LRP1B: variants seen among roughly 807,000 people sequenced by gnomAD.
LRP1B encodes LDL receptor related protein 1B.
LRP1B carries 217 observed loss-of-function variants against 556.6 expected under a neutral mutation model. That is an observed-to-expected ratio of 0.39 (90% confidence interval 0.35 to 0.44). The LOEUF is 0.44. Ranked by LOEUF, LRP1B falls within the 20% of genes least tolerant of loss-of-function variation. The probability of loss-of-function intolerance (pLI) is 1.00; values close to 1 mark genes in which losing one functional copy is unlikely to be tolerated. For synonymous variants in LRP1B, 2,047 were observed against 1,865.8 expected, an observed-to-expected ratio of 1.10 and a Z score of -2.50; for missense variants, 5,053 against 5,620.8, an observed-to-expected ratio of 0.90 and a Z score of 3.23.
chr2:142,010,843 T>C (rs1702940746), intron 1 of LRP1B, among the ~76,000 whole-genome samples: 1 of 152,158 alleles, frequency 6.6e-6, no homozygotes, highest in Non-Finnish European at 1.5e-5. Flanking sequence ...GGCGACATCA[T>C]TTTGGTTGCT....
intron 7 of LRP1B, among the ~76,000 whole-genome samples, chr2:141,149,161 G>T (rs1701858876): frequency 6.6e-6 from 1 of 151,960 alleles, no homozygotes; most frequent in South Asian, 2.1e-4. Context: ...AGCATTTTTT[G>T]TTGCTAGGTC....
At chr2:140,500,534 C>G (rs900615958) in intron 55 of LRP1B, among the ~76,000 whole-genome samples, 3 of 151,904 alleles carry the variant, frequency 2.0e-5, no homozygotes, top group Admixed American at 6.6e-5. Context: ...GTGGTTCATT[C>G]CAATATGAAG....
intron 35 of LRP1B, among the ~76,000 whole-genome samples, chr2:140,733,962 G>T (rs1687863639): frequency 6.6e-6 from 1 of 152,174 alleles, no homozygotes; most frequent in Non-Finnish European, 1.5e-5. Flanking sequence ...ATATAGATGT[G>T]CCTTTTGGGT....
intron 6 of LRP1B, among the ~76,000 whole-genome samples, chr2:141,207,469 C>G (rs1459945219): frequency 6.6e-6 from 1 of 152,140 alleles, no homozygotes; most frequent in African/African-American, 2.4e-5. Context: ...CTGAAATATT[C>G]TATCAAGTCA....
At chr2:141,448,435 G>A (rs1039595391) in intron 3 of LRP1B, among the ~76,000 whole-genome samples, 1 of 152,128 alleles carries the variant, frequency 6.6e-6, no homozygotes, top group African/African-American at 2.4e-5. Flanking sequence ...ATTCTGTCTT[G>A]CTGGCATTCC....
intron 66 of LRP1B, among the ~76,000 whole-genome samples, chr2:140,426,805 T>C (rs1340714432): frequency 1.3e-5 from 2 of 152,280 alleles, no homozygotes; most frequent in African/African-American, 4.8e-5. Context: ...TGCATGAAAT[T>C]TGGTGCCGTG....
chr2:140,432,588 A>T (rs759057255), intron 66 of LRP1B, among the ~76,000 whole-genome samples: 1 of 152,232 alleles, frequency 6.6e-6, no homozygotes, highest in Non-Finnish European at 1.5e-5. Context: ...GAAACTGGAC[A>T]GTTGTCCCTA....
intron 1 of LRP1B, among the ~76,000 whole-genome samples, chr2:141,883,885 T>G (rs892207103): frequency 6.6e-6 from 1 of 152,192 alleles, no homozygotes; most frequent in East Asian, 1.9e-4. Context: ...CCATGAAGAA[T>G]GTATTTTCCT....
At chr2:141,956,234 G>T (rs977440009) in intron 1 of LRP1B, among the ~76,000 whole-genome samples, 1 of 151,990 alleles carries the variant, frequency 6.6e-6, no homozygotes, top group South Asian at 2.1e-4. Flanking sequence ...AATGAATTCC[G>T]ACAGCTTTAT....
At chr2:141,755,788 C>T (rs947797275) in intron 2 of LRP1B, among the ~76,000 whole-genome samples, 2 of 151,834 alleles carry the variant, frequency 1.3e-5, no homozygotes, top group Non-Finnish European at 2.9e-5. Flanking sequence ...GGCTGAATAA[C>T]CCCTACTCTA....
At chr2:141,264,966 C>T (rs1302452705) in intron 3 of LRP1B, among the ~76,000 whole-genome samples, 2 of 152,118 alleles carry the variant, frequency 1.3e-5, no homozygotes, top group African/African-American at 4.8e-5. Context: ...TATCACTGGA[C>T]CTGAACCTAG....
intron 63 of LRP1B, among the ~76,000 whole-genome samples, chr2:140,447,988 G>A (rs1010733004): frequency 2.0e-5 from 3 of 152,036 alleles, no homozygotes; most frequent in Admixed American, 1.3e-4. Context: ...GATATGCTCT[G>A]TGGTGTTCCA....
intron 1 of LRP1B, among the ~76,000 whole-genome samples, chr2:141,954,619 G>A (rs1230497442): frequency 6.6e-6 from 1 of 152,068 alleles, no homozygotes; most frequent in Non-Finnish European, 1.5e-5. Context: ...CAAGGATGTT[G>A]TTTAAAATAA....
Position 141,846,533 on chromosome 2 carries a change from A to G in LRP1B, c.83-36132T>C, listed in dbSNP as rs184652088. ...AGCTATTATTCCCTCAATCTAAACC[A>G]TGTAAACCTTGAACTGGAAAATGAT... On this transcript the variant is annotated intron_variant, in intron 1 of 90. Transcript: ENST00000389484. Among the ~76,000 whole-genome samples, 1,006 of 151,730 alleles carry G rather than the reference A, an allele frequency of 6.6e-3. 14 individuals are homozygous for G. The highest frequency in any genetic ancestry group is 0.023 in the African/African-American group (936 of 41,520).
At chr2:141,190,089 A>G (rs1457034273) in intron 6 of LRP1B, among the ~76,000 whole-genome samples, 3 of 151,966 alleles carry the variant, frequency 2.0e-5, no homozygotes, top group Non-Finnish European at 4.4e-5. Flanking sequence ...TGCCTGAGAG[A>G]ACCTGCATAT....
At chr2:140,873,095 AT>A (rs1481900251) in intron 25 of LRP1B, among the ~76,000 whole-genome samples, 6 of 152,104 alleles carry the variant, frequency 3.9e-5, no homozygotes, top group Non-Finnish European at 5.9e-5. Context: ...TAGCTTTAAA[AT>A]TTTTGGTAAA....
chr2:141,162,505 C>T (rs947094790), intron 7 of LRP1B, among the ~76,000 whole-genome samples: 1 of 152,010 alleles, frequency 6.6e-6, no homozygotes, highest in Non-Finnish European at 1.5e-5. Flanking sequence ...ATACTGCCTG[C>T]GGTACTATGA....
intron 2 of LRP1B, among the ~76,000 whole-genome samples, chr2:141,705,322 C>T (rs140394013): frequency 4.7e-4 from 71 of 152,066 alleles, no homozygotes; most frequent in African/African-American, 1.6e-3. Context: ...TGGATCACCA[C>T]ATTTCCTCAT....
intron 4 of LRP1B, among the ~76,000 whole-genome samples, chr2:141,254,090 A>C (rs1424871443): frequency 6.6e-6 from 1 of 152,108 alleles, no homozygotes; most frequent in Non-Finnish European, 1.5e-5. Context: ...TCATTATTAC[A>C]TTATTATTGC....
Sources: gnomAD v4.1 joint callset for allele counts (sites outside exome capture counted in the v4.1 genomes callset) on GRCh38, gnomAD v4.1.1 for gene constraint, MANE v1.5 for transcripts, NCBI Gene and HGNC (gene_info 2026-07-23, HGNC 2026-07-21) for gene names.